SSX2IP: variants seen among roughly 807,000 people sequenced by gnomAD.
SSX2IP encodes the protein SSX family member 2 interacting protein.
In SSX2IP, 55 loss-of-function variants were observed where a neutral mutation model predicts 84.9. That is an observed-to-expected ratio of 0.65 (90% confidence interval 0.52 to 0.81). The LOEUF is 0.81. SSX2IP is among the 30% of genes least tolerant of loss of function. The pLI is 0.00. For synonymous variants in SSX2IP, 239 were observed against 234.7 expected, an observed-to-expected ratio of 1.02 and a Z score of -0.17; for missense variants, 664 against 705.2, an observed-to-expected ratio of 0.94 and a Z score of 0.66.
chr1:84,651,711 G>A (rs906645187), intron 12 of SSX2IP, among the ~76,000 whole-genome samples, 172 bp downstream of exon 12: 27 of 152,158 alleles, frequency 1.8e-4, no homozygotes, highest in Admixed American at 1.2e-3. Flanking sequence ...CTGGGCGACA[G>A]AGCAAGACTC....
In SSX2IP at chr1:84,645,491, T is replaced by C. The variant is rs1275684074; in HGVS notation, c.*1942A>G. The C allele has an allele frequency of 6.6e-6, 1 of 152,234 alleles. No homozygotes were observed. Among genetic ancestry groups the C allele is most frequent in the Non-Finnish European group, 1.5e-5 (1 of 68,032 alleles). 9.4% of individuals were successfully genotyped at this position (152,234 alleles called of 1,614,324 possible). ...TTTGAGAACTCAACTCACTTTAAAA[T>C]GGAAACACGCAACAAAAAACAGATG... On this transcript the variant is annotated 3_prime_UTR_variant, in exon 14 of 14. Coordinates refer to ENST00000342203, the MANE Select transcript of SSX2IP (RefSeq NM_001166293.2).
rs745973397 is a variant in SSX2IP, at chr1:84,647,552, C to T, written c.1726G>A (p.Gly576Arg). The change falls in exon 14 of 14, where the codon GGA becomes AGA. Residue 576 changes from glycine (G) to arginine (R), a missense_variant. Physicochemically the swap from Gly to Arg is moderately radical, Grantham distance 125. Coordinates refer to ENST00000342203, the MANE Select transcript of SSX2IP (RefSeq NM_001166293.2). ...AEEIKPNQVG[G>R]ECTNQKWSVA... is the part of the protein sequence containing the mutation. The stretch of plus-strand genomic sequence containing the variant: ...CTCCATTTTTGATTTGTACATTCTC[C>T]TCCAACCTGATTTGGTTTAATTTCT... 11 of 1,612,768 alleles carry T rather than the reference C, an allele frequency of 6.8e-6. No homozygotes were observed. Among genetic ancestry groups the T allele is most frequent in the Non-Finnish European group, 9.3e-6 (11 of 1,179,396 alleles).
intron 1 of SSX2IP, 44 bp from the exon 2 acceptor site, chr1:84,671,352 T>C: frequency 1.4e-6 from 2 of 1,415,484 alleles, no homozygotes; most frequent in Non-Finnish European, 1.9e-6. Flanking sequence ...ATTTAAAATA[T>C]GAAAGCCAAT....
chr1:84,657,790 G>C (rs1425185125), intron 9 of SSX2IP, among the ~76,000 whole-genome samples: 2 of 152,164 alleles, frequency 1.3e-5, no homozygotes, highest in Admixed American at 6.5e-5. Context: ...TTCACTCTGA[G>C]ACCAAAGTGT....
chr1:84,688,420 A>G (rs1162859140), intron 1 of SSX2IP, among the ~76,000 whole-genome samples: 2 of 152,218 alleles, frequency 1.3e-5, no homozygotes, highest in African/African-American at 4.8e-5. Context: ...ATAACTTAAA[A>G]ATCTTTGAAA....
At chr1:84,652,909 G>A (rs573121764) in intron 11 of SSX2IP, among the ~76,000 whole-genome samples, 2 of 152,040 alleles carry the variant, frequency 1.3e-5, no homozygotes, top group South Asian at 4.2e-4. Context: ...GCGGGTGCCT[G>A]TAGTCCCAGC....
At chr1:84,675,116 C>T (rs1386286454) in intron 1 of SSX2IP, among the ~76,000 whole-genome samples, 2 of 152,100 alleles carry the variant, frequency 1.3e-5, no homozygotes, top group African/African-American at 2.4e-5. Flanking sequence ...AAATATAATA[C>T]CATCACAAGC....
At chr1:84,663,044 T>C (rs868156046) in intron 6 of SSX2IP, among the ~76,000 whole-genome samples, 6 of 152,160 alleles carry the variant, frequency 3.9e-5, no homozygotes, top group Admixed American at 1.3e-4. Context: ...AAATAAGTTG[T>C]AGATCCCATA....
At chr1:84,659,301 C>CT (rs3835686) in intron 8 of SSX2IP, among the ~76,000 whole-genome samples, 80,177 of 151,918 alleles carry the variant, frequency 0.53, 22,986 homozygotes, top group East Asian at 0.72. Flanking sequence ...CTGAAGAACT[C>CT]TATCAGTAGT....
Position 84,670,641 on chromosome 1 carries a change from GT to G in SSX2IP, c.213+4del. 6.4e-7 allele frequency: 1 copy of G among 1,571,422 alleles called. No individual in the cohort carries two copies. On this transcript the variant is annotated splice_donor_region_variant and intron_variant, in intron 3 of 13. Coordinates refer to ENST00000342203, the MANE Select transcript of SSX2IP (RefSeq NM_001166293.2). ...ATGCTACTGTTTTTTACAAAAACAT[GT>G]TACCTGATCAAGATATGAGATACTC...
chr1:84,650,355 C>A lies in SSX2IP; in HGVS notation c.1670+7G>T, dbSNP rs1570554717. ...AACACGTGAAAAGATCACCTATAGA[C>A]AAATACCTATGTTCAGATATGCAGG... is the stretch of plus-strand genomic sequence containing the variant. On this transcript the variant is annotated splice_region_variant and intron_variant, in intron 13 of 13. Coordinates refer to ENST00000342203, the MANE Select transcript of SSX2IP (RefSeq NM_001166293.2). 1 of 1,614,132 alleles carries A rather than the reference C, an allele frequency of 6.2e-7. No homozygotes were observed. The highest frequency in any genetic ancestry group is 8.5e-7 in the Non-Finnish European group (1 of 1,180,006).
intron 5 of SSX2IP, among the ~76,000 whole-genome samples, chr1:84,664,884 A>G (rs571031169): frequency 3.3e-4 from 51 of 152,298 alleles, no homozygotes; most frequent in African/African-American, 1.2e-3. Context: ...GATCATTTTT[A>G]GTGAACTCCT....
In SSX2IP at chr1:84,647,272, G is replaced by A. The variant is rs1321634848; in HGVS notation, c.*161C>T. 1.9e-6 allele frequency: 1 copy of A among 528,434 alleles called. No individual in the cohort carries two copies. Among genetic ancestry groups the A allele is most frequent in the Admixed American group, 3.7e-5 (1 of 26,880 alleles). 32.7% of individuals were successfully genotyped at this position (528,434 alleles called of 1,614,324 possible). Reference sequence around the variant, plus strand: ...CAAAGCTTTTATATCCTTTTAAATAGATTTAAGATTTCAACTCTTTGGGGG... The same window carrying A: ...CAAAGCTTTTATATCCTTTTAAATAAATTTAAGATTTCAACTCTTTGGGGG... On this transcript the variant is annotated 3_prime_UTR_variant, in exon 14 of 14. Coordinates refer to ENST00000342203, the MANE Select transcript of SSX2IP (RefSeq NM_001166293.2).
rs772577299 is a variant in SSX2IP, at chr1:84,662,226, C to T, written c.899G>A (p.Arg300Lys). Residue 300 changes from arginine (R) to lysine (K), a missense_variant, in exon 8 of 14, where the codon AGA (arginine) becomes AAA (lysine). Transcript: ENST00000342203. ...TCCTGTACTATCATCTACTCTTTCT[C>T]TAGGTTTCTTCTTTTGGGGAGAAAG... ...SLLSPQKKKP[R>K]ERVDDSTGTV... The T allele has an allele frequency of 8.1e-6, 13 of 1,602,662 alleles. No homozygotes were observed. In the African/African-American group the frequency reaches 1.8e-4, roughly 22 times the overall value.
Position 84,655,544 on chromosome 1 carries a change from CAA to C in SSX2IP, c.1389+286_1389+287del, listed in dbSNP as rs1375605719. 2.2e-6 allele frequency: 3 copies of C among 1,369,554 alleles called. No individual in the cohort carries two copies. In the Admixed American group the frequency reaches 6.5e-5, roughly 30 times the overall value. The allele number at this position is 1,369,554 out of a possible 1,614,324, so 84.8% of individuals were successfully genotyped here. A position where few individuals can be genotyped will look rare whatever the true frequency, so the allele number is the denominator to read the frequency against. ...TGACCGTGGATGAATGATGGATACC[CAA>C]AAGAGATTTCTTGTGTAAAACACTT... On this transcript the variant is annotated intron_variant, in intron 11 of 13. Coordinates refer to ENST00000342203, the MANE Select transcript of SSX2IP (RefSeq NM_001166293.2).
intron 8 of SSX2IP, among the ~76,000 whole-genome samples, chr1:84,658,693 G>A (rs112156640): frequency 2.7e-4 from 41 of 152,302 alleles, no homozygotes; most frequent in African/African-American, 9.9e-4. Context: ...TACAGTTAAT[G>A]ACAAGAGTCA....
intron 1 of SSX2IP, among the ~76,000 whole-genome samples, chr1:84,682,302 G>A (rs1023978605): frequency 1.3e-5 from 2 of 152,154 alleles, no homozygotes; most frequent in African/African-American, 4.8e-5. Context: ...AGTAGCATCA[G>A]AGGCCATGGT....
At chr1:84,672,295 C>T (rs1423631666) in intron 1 of SSX2IP, among the ~76,000 whole-genome samples, 2 of 151,670 alleles carry the variant, frequency 1.3e-5, no homozygotes, top group Admixed American at 1.3e-4. Flanking sequence ...TTCTCGGCTA[C>T]AATAAATTGT....
At chr1:84,682,208 C>T (rs1430194454) in intron 1 of SSX2IP, among the ~76,000 whole-genome samples, 8 of 152,164 alleles carry the variant, frequency 5.3e-5, no homozygotes, top group African/African-American at 1.9e-4. Flanking sequence ...CTGTTTTGGA[C>T]TTGGCTGCCA....
Sources: allele counts gnomAD v4.1 joint callset (sites outside exome capture counted in the v4.1 genomes callset), GRCh38; gene constraint gnomAD v4.1.1; transcripts MANE v1.5; gene names NCBI Gene and HGNC (gene_info 2026-07-23, HGNC 2026-07-21).